The following SCN2A variants were observed in gnomAD, a reference collection of about 807,000 sequenced individuals.
SCN2A encodes sodium voltage-gated channel alpha subunit 2.
SCN2A carries 20 observed loss-of-function variants against 188.7 expected under a neutral mutation model. That is an observed-to-expected ratio of 0.11 (90% CI 0.07 to 0.15). SCN2A has a LOEUF of 0.15. Ranked by LOEUF, SCN2A falls within the 10% of genes least tolerant of loss-of-function variation. The pLI is 1.00. For synonymous variants in SCN2A, 804 were observed against 833.1 expected, an observed-to-expected ratio of 0.97 and a Z score of 0.60; for missense variants, 1,278 against 2,445.0, an observed-to-expected ratio of 0.52 and a Z score of 10.07.
chr2:165,358,289 G>A (rs967053033), intron 17 of SCN2A, among the ~76,000 whole-genome samples: 4 of 151,988 alleles, frequency 2.6e-5, no homozygotes, highest in African/African-American at 9.7e-5. Context: ...TTTTTATTTA[G>A]TGTAATGTTT....
chr2:165,260,748 C>A (rs1340181979), intron 1 of SCN2A, among the ~76,000 whole-genome samples: 1 of 151,842 alleles, frequency 6.6e-6, no homozygotes, highest in Non-Finnish European at 1.5e-5. Context: ...GGGTGCATCG[C>A]CTGAGGTTAG....
At chr2:165,257,723 A>C (rs1488874361) in intron 1 of SCN2A, among the ~76,000 whole-genome samples, 1 of 152,118 alleles carries the variant, frequency 6.6e-6, no homozygotes, top group South Asian at 2.1e-4. Flanking sequence ...ATTTTTATAG[A>C]GATGGGTTTT....
intron 11 of SCN2A, among the ~76,000 whole-genome samples, chr2:165,321,562 G>A (rs956398111): frequency 6.6e-6 from 1 of 152,212 alleles, no homozygotes; most frequent in Non-Finnish European, 1.5e-5. Context: ...TGTGGCTGGG[G>A]AAGCCTCACA....
In SCN2A at chr2:165,391,954, GT is replaced by G. The variant is rs1702138398; in HGVS notation, c.*2131del. ...GAAGCTATTGACTTGTAGTGTGTTG[GT>G]GAAATGCATGCAGGAAAATGCTGTT... On this transcript the variant is annotated 3_prime_UTR_variant, in exon 27 of 27. Coordinates refer to ENST00000375437, the MANE Select transcript of SCN2A (RefSeq NM_001040142.2). 1 of 152,512 alleles carries G rather than the reference GT, an allele frequency of 6.6e-6. No individual in the cohort carries two copies. Among genetic ancestry groups the G allele is most frequent in the Admixed American group, 6.6e-5 (1 of 15,260 alleles). The allele number at this position is 152,512 out of a possible 1,614,324, so 9.4% of individuals were successfully genotyped here.
chr2:165,346,247 T>TA (rs1699579107), intron 16 of SCN2A, among the ~76,000 whole-genome samples: 1 of 152,182 alleles, frequency 6.6e-6, no homozygotes. Flanking sequence ...TGAATTTGAA[T>TA]GTTGGCCTGT....
chr2:165,365,902 G>T (rs1471343315), intron 18 of SCN2A, among the ~76,000 whole-genome samples: 1 of 152,090 alleles, frequency 6.6e-6, no homozygotes, highest in African/African-American at 2.4e-5. Flanking sequence ...TGTAATTTGA[G>T]GTATGGATCA....
chr2:165,350,460 CTTTCTTT>C (rs1699826665), intron 16 of SCN2A, among the ~76,000 whole-genome samples: 6 of 77,918 alleles, frequency 7.7e-5, no homozygotes, highest in African/African-American at 2.6e-4. Flanking sequence ...GAACTGTTTT[CTTTCTTT>C]TTTTTTTTTT....
intron 11 of SCN2A, among the ~76,000 whole-genome samples, chr2:165,319,468 T>C (rs993580280): frequency 6.6e-6 from 1 of 152,230 alleles, no homozygotes; most frequent in Non-Finnish European, 1.5e-5. Context: ...AGTAATTCTT[T>C]AGCTGGAAAG....
At chr2:165,250,664 C>T (rs1223965510) in intron 1 of SCN2A, among the ~76,000 whole-genome samples, 1 of 151,948 alleles carries the variant, frequency 6.6e-6, no homozygotes, top group Non-Finnish European at 1.5e-5. Flanking sequence ...TATACACAGC[C>T]TAACTTCCCC....
intron 1 of SCN2A, among the ~76,000 whole-genome samples, chr2:165,243,231 T>A (rs1162393560): frequency 6.6e-6 from 1 of 152,194 alleles, no homozygotes; most frequent in Non-Finnish European, 1.5e-5. Context: ...TGCCAGTATC[T>A]AAATTAATTA....
intron 1 of SCN2A, among the ~76,000 whole-genome samples, chr2:165,259,231 A>G (rs1423886029): frequency 6.6e-6 from 1 of 152,236 alleles, no homozygotes; most frequent in Non-Finnish European, 1.5e-5. Flanking sequence ...TCAGCAAGTC[A>G]TAATCTTTAT....
At chr2:165,381,858 G>A (rs1701620616) in intron 25 of SCN2A, among the ~76,000 whole-genome samples, 1 of 151,962 alleles carries the variant, frequency 6.6e-6, no homozygotes, top group African/African-American at 2.4e-5. Context: ...CACTCCTGAA[G>A]GACTAGCTCA....
intron 1 of SCN2A, among the ~76,000 whole-genome samples, chr2:165,265,471 C>CTCTATA (rs1380825419): frequency 5.5e-4 from 16 of 29,020 alleles, no homozygotes; most frequent in African/African-American, 2.0e-3. Context: ...CTCTGTTGAT[C>CTCTATA]TATATATATA....
At position 165,378,609 on chromosome 2, in the gene SCN2A, A is replaced by G. The variant is rs566811626; in HGVS notation, c.4308+959A>G. Among the ~76,000 whole-genome samples the G allele has an allele frequency of 2.6e-5, 4 of 151,882 alleles. No individual in the cohort carries two copies. In the South Asian group the frequency reaches 8.3e-4, roughly 32 times the overall value. ...CGTTAAATGGGAAAACAAGTTTTTG[A>G]ACCCTGACCACAAATAATGGCTCAT... On this transcript the variant is annotated intron_variant, in intron 23 of 26. Transcript: ENST00000375437.
chr2:165,261,884 A>C (rs1251514602), intron 1 of SCN2A, among the ~76,000 whole-genome samples: 1 of 152,232 alleles, frequency 6.6e-6, no homozygotes, highest in African/African-American at 2.4e-5. Flanking sequence ...TATACAATGA[A>C]AATGGCTTTT....
At chr2:165,343,264 A>G (rs1180814180) in intron 15 of SCN2A, among the ~76,000 whole-genome samples, 2 of 152,162 alleles carry the variant, frequency 1.3e-5, no homozygotes, top group Non-Finnish European at 2.9e-5. Flanking sequence ...TTTTCATGAA[A>G]TCTGTTTACA....
chr2:165,272,909 T>G (rs984597872), intron 1 of SCN2A: 1 of 151,978 alleles, frequency 6.6e-6, no homozygotes, highest in African/African-American at 2.4e-5. Context: ...AATCAAGAAC[T>G]TATTAATCAA....
intron 3 of SCN2A, among the ~76,000 whole-genome samples, chr2:165,300,281 T>C (rs1696733544): frequency 6.6e-6 from 1 of 152,236 alleles, no homozygotes; most frequent in South Asian, 2.1e-4. Flanking sequence ...TTACTGAGTA[T>C]CTACCATGTG....
chr2:165,240,695 G>GTGTGTGTGTGTGTGTGTGT (rs1693579275), intron 1 of SCN2A, among the ~76,000 whole-genome samples: 1 of 136,078 alleles, frequency 7.3e-6, no homozygotes, highest in African/African-American at 2.9e-5. Flanking sequence ...GTGTGTGTGT[G>GTGTGTGTGTGTGTGTGTGT]ATGGTGGAGG....
Sources: gnomAD v4.1 joint callset for allele counts (sites outside exome capture counted in the v4.1 genomes callset) on GRCh38, gnomAD v4.1.1 for gene constraint, MANE v1.5 for transcripts, NCBI Gene and HGNC (gene_info 2026-07-23, HGNC 2026-07-21) for gene names.